ARGFX: variants seen among roughly 807,000 people sequenced by gnomAD.
The protein encoded by ARGFX is arginine-fifty homeobox.
ARGFX carries 10 observed loss-of-function variants against 8.0 expected under a neutral mutation model. The ratio of observed to expected loss-of-function variants is 1.25; its 90% CI spans 0.77 to 2.12. The LOEUF is 2.12. Ranked by LOEUF, ARGFX falls within the 30% of genes most tolerant of loss-of-function variation. The probability of loss-of-function intolerance (pLI) is 0.00; values close to 1 mark genes in which losing one functional copy is unlikely to be tolerated. For synonymous variants in ARGFX, 116 were observed against 117.8 expected, an observed-to-expected ratio of 0.98 and a Z score of 0.10; for missense variants, 282 against 324.3, an observed-to-expected ratio of 0.87 and a Z score of 1.00.
intron 4 of ARGFX, among the ~76,000 whole-genome samples, chr3:121,585,772 A>G (rs577199215): frequency 6.6e-6 from 1 of 152,112 alleles, no homozygotes; most frequent in African/African-American, 2.4e-5. Context: ...AGAGTTCAGG[A>G]CCCTATCTCT....
At chr3:121,578,984 T>G (rs2048761240) in intron 3 of ARGFX, among the ~76,000 whole-genome samples, 1 of 152,104 alleles carries the variant, frequency 6.6e-6, no homozygotes, top group African/African-American at 2.4e-5. Flanking sequence ...GCCTGAAAAG[T>G]ACTGTTTTAA....
At chr3:121,577,259 A>ATATATTT (rs1403064031) in intron 3 of ARGFX, among the ~76,000 whole-genome samples, 191 of 59,550 alleles carry the variant, frequency 3.2e-3, no homozygotes, top group East Asian at 0.018. Flanking sequence ...ATATATATAT[A>ATATATTT]TTTTTTTTTT....
At chr3:121,574,094 T>C (rs1000122614) in intron 2 of ARGFX, among the ~76,000 whole-genome samples, 2 of 152,098 alleles carry the variant, frequency 1.3e-5, no homozygotes, top group Admixed American at 1.3e-4. Flanking sequence ...TGAAAAACAG[T>C]ATGATGGTAC....
Position 121,588,810 on chromosome 3 carries a change from C to T in ARGFX, c.*2210C>T, listed in dbSNP as rs1297137671. Among the ~76,000 whole-genome samples the T allele has an allele frequency of 6.6e-6, 1 of 152,062 alleles. No individual in the cohort carries two copies. The highest frequency in any genetic ancestry group is 2.4e-5 in the African/African-American group (1 of 41,404). On this transcript the variant is annotated 3_prime_UTR_variant, in exon 5 of 5. Coordinates refer to ENST00000334384, the MANE Select transcript of ARGFX (RefSeq NM_001012659.2). ...GGCATGGTGGCACACACCTGTAGTCCCAGCTACTTGGGAGGCTGAGGCAGG... is the reference window on the plus strand; with the variant it reads ...GGCATGGTGGCACACACCTGTAGTCTCAGCTACTTGGGAGGCTGAGGCAGG...
chr3:121,574,917 G>A (rs1191052167), intron 2 of ARGFX, among the ~76,000 whole-genome samples: 2 of 152,210 alleles, frequency 1.3e-5, no homozygotes, highest in African/African-American at 4.8e-5. Flanking sequence ...ACAGAAGAAA[G>A]TTCAGAAAAT....
At chr3:121,573,372 T>C (rs1348783220) in intron 2 of ARGFX, among the ~76,000 whole-genome samples, 4 of 151,590 alleles carry the variant, frequency 2.6e-5, no homozygotes, top group Admixed American at 6.6e-5. Context: ...TCTCAGCTAC[T>C]TGGGAGGCTG....
At chr3:121,581,159 G>T (rs1234258784) in intron 3 of ARGFX, among the ~76,000 whole-genome samples, 1 of 151,964 alleles carries the variant, frequency 6.6e-6, no homozygotes, top group African/African-American at 2.4e-5. Context: ...GTAAAGATGG[G>T]GTTTCGCCAT....
intron 3 of ARGFX, among the ~76,000 whole-genome samples, chr3:121,578,810 G>T (rs1484915295): frequency 6.7e-6 from 1 of 149,906 alleles, no homozygotes; most frequent in Non-Finnish European, 1.5e-5. Flanking sequence ...AGCTGGGACT[G>T]CAGGCACCCG....
At chr3:121,575,205 A>G (rs1162971435) in intron 2 of ARGFX, among the ~76,000 whole-genome samples, 1 of 152,112 alleles carries the variant, frequency 6.6e-6, no homozygotes. Context: ...CTGTAGTCCC[A>G]GCTACTCAGG....
At chr3:121,572,346 A>T (rs572153059) in intron 2 of ARGFX, among the ~76,000 whole-genome samples, 1 of 149,694 alleles carries the variant, frequency 6.7e-6, no homozygotes, top group Admixed American at 6.7e-5. Flanking sequence ...GGATCAAGCG[A>T]TTCTCCTGCC....
intron 1 of ARGFX, among the ~76,000 whole-genome samples, chr3:121,568,290 C>T (rs561653402): frequency 6.6e-6 from 1 of 152,142 alleles, no homozygotes; most frequent in Non-Finnish European, 1.5e-5. Flanking sequence ...GTTAGCCAGG[C>T]CTTTGGAAAT....
intron 2 of ARGFX, among the ~76,000 whole-genome samples, chr3:121,573,341 C>T (rs1207983975): frequency 2.6e-5 from 4 of 151,290 alleles, no homozygotes; most frequent in Admixed American, 6.6e-5. Context: ...ATTAGCCAGG[C>T]GTGGTGGCAG....
chr3:121,578,771 T>G (rs9846142), intron 3 of ARGFX, among the ~76,000 whole-genome samples: 34,498 of 149,866 alleles, frequency 0.23, 4,742 homozygotes, highest in Admixed American at 0.4. Flanking sequence ...CCCAGGTTCA[T>G]GCCATTCTCC....
chr3:121,585,125 T>C, intron 4 of ARGFX, 60 bp downstream of exon 4: 2 of 1,574,136 alleles, frequency 1.3e-6, no homozygotes, highest in Non-Finnish European at 8.7e-7. Flanking sequence ...CTATCCAGCC[T>C]GGAAATTCCC....
intron 2 of ARGFX, 126 bp from the exon 3 acceptor site, chr3:121,576,658 C>T: frequency 3.1e-6 from 1 of 317,754 alleles, no homozygotes; most frequent in Non-Finnish European, 6.1e-6. Flanking sequence ...AATTTATATT[C>T]TCATTGTTCT....
chr3:121,570,722 C>T lies in ARGFX; in HGVS notation c.9C>T (p.Asn3=), dbSNP rs200448128. The T allele has an allele frequency of 6.2e-7, 1 of 1,606,682 alleles. No individual in the cohort carries two copies. The highest frequency in any genetic ancestry group is 8.5e-7 in the Non-Finnish European group (1 of 1,177,000). ...CTCAGATTTCAGAAACCATGAGGAA[C>T]AGAATGGCCCCAGAGAATCCCCAGC... MR[N]RMAPENPQPD... Residue 3 remains asparagine, a synonymous_variant, in exon 2 of 5, where the codon AAC becomes AAT. Coordinates refer to ENST00000334384, the MANE Select transcript of ARGFX (RefSeq NM_001012659.2).
chr3:121,569,363 T>TTTTA (rs2048693610), intron 1 of ARGFX, among the ~76,000 whole-genome samples: 1 of 97,972 alleles, frequency 1.0e-5, no homozygotes, highest in African/African-American at 4.7e-5. Context: ...ATGTGAAAAC[T>TTTTA]TTTTTTTTTT....
rs1253899701 is a variant in ARGFX, at chr3:121,588,508, A to G, written c.*1908A>G. Among the ~76,000 whole-genome samples, 2 of 151,536 alleles carry G rather than the reference A, an allele frequency of 1.3e-5. No individual in the cohort carries two copies. The highest frequency in any genetic ancestry group is 2.4e-5 in the African/African-American group (1 of 41,366). ...AAAAATAAAAAATAAAAAATAAAAAATAAAAGAAACATAAGATAAGTACCT... is the reference window on the plus strand; with the variant it reads ...AAAAATAAAAAATAAAAAATAAAAAGTAAAAGAAACATAAGATAAGTACCT... On this transcript the variant is annotated 3_prime_UTR_variant, in exon 5 of 5. Coordinates refer to ENST00000334384, the MANE Select transcript of ARGFX (RefSeq NM_001012659.2).
intron 2 of ARGFX, among the ~76,000 whole-genome samples, chr3:121,573,848 C>CAAAAAAAA (rs35593006): frequency 1.7e-5 from 1 of 59,028 alleles, no homozygotes; most frequent in Non-Finnish European, 3.0e-5. Flanking sequence ...AACTCCATCT[C>CAAAAAAAA]AAAAAAAAAA....
Sources: allele counts gnomAD v4.1 joint callset (sites outside exome capture counted in the v4.1 genomes callset), GRCh38; gene constraint gnomAD v4.1.1; transcripts MANE v1.5; gene names NCBI Gene and HGNC (gene_info 2026-07-23, HGNC 2026-07-21).